The following CERKL variants were observed in gnomAD, a reference collection of about 807,000 sequenced individuals.
The protein encoded by CERKL is ceramide kinase-like protein.
Under a neutral mutation model 63.4 loss-of-function variants are expected in CERKL, and 61 were observed. That is an observed-to-expected ratio of 0.96 (90% CI 0.78 to 1.19). The LOEUF (loss-of-function observed/expected upper bound fraction) is 1.19. CERKL is among the 50% of genes most tolerant of loss of function. CERKL has a pLI of 0.00. For synonymous variants in CERKL, 250 were observed against 230.5 expected (o/e 1.08, Z -0.77); for missense variants, 675 against 655.5 (o/e 1.03, Z -0.33).
At chr2:181,632,705 A>T (rs1687018879) in intron 1 of CERKL, among the ~76,000 whole-genome samples, 1 of 152,186 alleles carries the variant, frequency 6.6e-6, no homozygotes, top group Admixed American at 6.5e-5. Flanking sequence ...TACTCCAGAC[A>T]TACCCAGTAC....
intron 1 of CERKL, among the ~76,000 whole-genome samples, chr2:181,604,880 T>A (rs1685613703): frequency 1.3e-5 from 2 of 152,040 alleles, no homozygotes; most frequent in East Asian, 3.8e-4. Context: ...AATAGTGGCA[T>A]AAAATTTTCA....
chr2:181,555,030 T>C (rs749351950), intron 5 of CERKL, among the ~76,000 whole-genome samples: 3 of 152,074 alleles, frequency 2.0e-5, no homozygotes, highest in Non-Finnish European at 4.4e-5. Context: ...AAAGAATACA[T>C]AAAATGCTCC....
chr2:181,553,831 T>C (rs1259505891), intron 5 of CERKL, among the ~76,000 whole-genome samples: 1 of 152,158 alleles, frequency 6.6e-6, no homozygotes, highest in Non-Finnish European at 1.5e-5. Context: ...GATAGCTTGT[T>C]CTATATTTTG....
At chr2:181,538,859 T>C (rs926772199) in intron 12 of CERKL, among the ~76,000 whole-genome samples, 3 of 152,206 alleles carry the variant, frequency 2.0e-5, no homozygotes, top group Non-Finnish European at 4.4e-5. Context: ...AGAAAGCCAA[T>C]GTAGACACGC....
chr2:181,641,886 A>T (rs1234995599), intron 1 of CERKL, among the ~76,000 whole-genome samples: 1 of 152,194 alleles, frequency 6.6e-6, no homozygotes, highest in African/African-American at 2.4e-5. Context: ...CATTTCAGGA[A>T]GTCTAACTGG....
At chr2:181,604,871 A>T (rs962664843) in intron 1 of CERKL, among the ~76,000 whole-genome samples, 5 of 152,012 alleles carry the variant, frequency 3.3e-5, no homozygotes, top group Non-Finnish European at 7.4e-5. Flanking sequence ...TTAAAAAAAA[A>T]TAGTGGCATA....
intron 1 of CERKL, among the ~76,000 whole-genome samples, chr2:181,645,388 A>G (rs1004193518): frequency 6.6e-6 from 1 of 152,232 alleles, no homozygotes; most frequent in African/African-American, 2.4e-5. Context: ...GCTGACAGTA[A>G]AGAAAAAACA....
Position 181,536,718 on chromosome 2 carries a change from A to AGGTTCTATTTTAAATGACTTTCT in CERKL, c.*1443_*1465dup, listed in dbSNP as rs1196981530. On this transcript the variant is annotated 3_prime_UTR_variant, in exon 13 of 13. Transcript: ENST00000410087. The stretch of plus-strand genomic sequence containing the variant: ...TTTTATAGTTTGTTCATACTATATG[A>AGGTTCTATTTTAAATGACTTTCT]GGTTCTATTTTAAATGACTTTCTGG... The AGGTTCTATTTTAAATGACTTTCT allele has an allele frequency of 4.2e-6, 1 of 236,606 alleles. No individual in the cohort carries two copies. Among genetic ancestry groups the AGGTTCTATTTTAAATGACTTTCT allele is most frequent in the Admixed American group, 5.2e-5 (1 of 19,362 alleles). 14.7% of individuals were successfully genotyped at this position (236,606 alleles called of 1,614,324 possible).
chr2:181,637,238 C>A (rs531741128), intron 1 of CERKL, among the ~76,000 whole-genome samples: 121 of 152,124 alleles, frequency 8.0e-4, no homozygotes, highest in African/African-American at 2.7e-3. Flanking sequence ...TAATATTGAG[C>A]AAAATTATTA....
chr2:181,554,805 C>T (rs574103806), intron 5 of CERKL, among the ~76,000 whole-genome samples: 1 of 152,272 alleles, frequency 6.6e-6, no homozygotes, highest in African/African-American at 2.4e-5. Context: ...TCCTCATGTT[C>T]AGCTTGAAAA....
intron 1 of CERKL, among the ~76,000 whole-genome samples, chr2:181,644,534 A>C (rs1687587170): frequency 6.6e-6 from 1 of 152,198 alleles, no homozygotes; most frequent in South Asian, 2.1e-4. Flanking sequence ...GCAGCATCCT[A>C]ATCTATTTAA....
intron 3 of CERKL, among the ~76,000 whole-genome samples, chr2:181,567,162 T>C (rs369709902): frequency 3.0e-4 from 46 of 152,232 alleles, no homozygotes; most frequent in African/African-American, 5.3e-4. Context: ...AAAACCTCTC[T>C]ATATTAAATT....
At chr2:181,650,633 C>T (rs2105543668) in intron 1 of CERKL, among the ~76,000 whole-genome samples, 1 of 152,202 alleles carries the variant, frequency 6.6e-6, no homozygotes, top group Admixed American at 6.5e-5. Context: ...TGGCACATGC[C>T]TATAATCCCA....
intron 1 of CERKL, among the ~76,000 whole-genome samples, chr2:181,621,628 G>A (rs571388522): frequency 1.8e-4 from 28 of 152,144 alleles, no homozygotes; most frequent in African/African-American, 6.5e-4. Flanking sequence ...AATTACTACC[G>A]CATAGTTAGT....
intron 3 of CERKL, among the ~76,000 whole-genome samples, chr2:181,572,383 C>T (rs1290212512): frequency 6.6e-6 from 1 of 152,148 alleles, no homozygotes; most frequent in Non-Finnish European, 1.5e-5. Flanking sequence ...GAACACAGAG[C>T]AAGCATACAA....
intron 1 of CERKL, among the ~76,000 whole-genome samples, chr2:181,609,856 T>C (rs570028885): frequency 2.0e-5 from 3 of 152,262 alleles, no homozygotes; most frequent in Admixed American, 1.3e-4. Flanking sequence ...GTGATAATGG[T>C]GGCATCTAAG....
chr2:181,564,319 T>C (rs1321610011), intron 4 of CERKL, among the ~76,000 whole-genome samples: 1 of 152,148 alleles, frequency 6.6e-6, no homozygotes, highest in African/African-American at 2.4e-5. Flanking sequence ...TGACTTTCAG[T>C]AGAAATTTGA....
intron 2 of CERKL, among the ~76,000 whole-genome samples, chr2:181,595,120 T>C (rs1405931959): frequency 6.6e-6 from 1 of 152,172 alleles, no homozygotes; most frequent in Non-Finnish European, 1.5e-5. Context: ...TATCTAATTC[T>C]GTAGATTTAC....
At chr2:181,604,418 G>T (rs1302289294) in intron 1 of CERKL, among the ~76,000 whole-genome samples, 1 of 152,172 alleles carries the variant, frequency 6.6e-6, no homozygotes, top group Non-Finnish European at 1.5e-5. Context: ...TTTATGGATT[G>T]CCCTTTATGC....
Sources: gnomAD v4.1 joint callset for allele counts (sites outside exome capture counted in the v4.1 genomes callset) on GRCh38, gnomAD v4.1.1 for gene constraint, MANE v1.5 for transcripts, NCBI Gene and HGNC (gene_info 2026-07-23, HGNC 2026-07-21) for gene names.